PSMC6: variants seen among roughly 807,000 people sequenced by gnomAD.
The protein encoded by PSMC6 is 26S proteasome regulatory subunit 10B.
A neutral mutation model predicts 55.9 loss-of-function variants in PSMC6; 3 were observed. The ratio of observed to expected loss-of-function variants is 0.05; its 90% CI spans 0.02 to 0.14. The LOEUF (loss-of-function observed/expected upper bound fraction) is 0.14. PSMC6 is among the 10% of genes least tolerant of loss of function. The probability of loss-of-function intolerance (pLI) is 1.00; values close to 1 mark genes in which losing one functional copy is unlikely to be tolerated. For missense variants in PSMC6, 210 were observed against 478.7 expected (o/e 0.44, Z 5.24); for synonymous variants, 137 against 155.9 (o/e 0.88, Z 0.90).
In PSMC6 at chr14:52,708,468, T is replaced by C. The variant is rs1249009783; in HGVS notation, c.166-15T>C. On this transcript the variant is annotated splice_polypyrimidine_tract_variant and intron_variant, in intron 2 of 13. Coordinates refer to ENST00000445930, the MANE Select transcript of PSMC6 (RefSeq NM_002806.5). ...GCTGTTGCCAAAAAGTAATGCTTTT[T>C]ATTTTCTTCCTTAGATCGTGGGTGA... 6.2e-7 allele frequency: 1 copy of C among 1,613,986 alleles called. No homozygotes were observed. Among genetic ancestry groups the C allele is most frequent in the Non-Finnish European group, 8.5e-7 (1 of 1,179,940 alleles).
In PSMC6 at chr14:52,707,319, C is replaced by G. The variant is rs373773094; in HGVS notation, c.85+15C>G. ...TCTTAAGGAGTGTGAGTGCACCTTT[C>G]TTTCCATTTAATCAAGTGCCTCGAC... On this transcript the variant is annotated intron_variant, in intron 1 of 13. Transcript: ENST00000445930. The G allele has an allele frequency of 6.8e-6, 11 of 1,613,588 alleles. No individual in the cohort carries two copies. The African/African-American group carries it at 1.3e-4, about 20-fold the overall frequency.
At chr14:52,722,319 G>A (rs1880229949) in intron 12 of PSMC6, 1 of 151,928 alleles carries the variant, frequency 6.6e-6, no homozygotes, top group Non-Finnish European at 1.5e-5. Flanking sequence ...GGGGAATGCC[G>A]ATGAGGAGTT....
At position 52,707,250 on chromosome 14, in the gene PSMC6, G is replaced by A. The variant is rs1394464421; in HGVS notation, c.31G>A (p.Asp11Asn). The A allele has an allele frequency of 6.2e-7, 1 of 1,614,122 alleles. No homozygotes were observed. Among genetic ancestry groups the A allele is most frequent in the African/African-American group, 1.3e-5 (1 of 75,054 alleles). ...GGACCCTAGAGATAAGGCGCTTCAGGACTACCGCAAGAAGTTGCTTGAACA... is the reference window on the plus strand; with the variant it reads ...GGACCCTAGAGATAAGGCGCTTCAGAACTACCGCAAGAAGTTGCTTGAACA... Reference protein sequence around the residue: MADPRDKALQDYRKKLLEHKE... With the variant: MADPRDKALQNYRKKLLEHKE... The change falls in exon 1 of 14, where the codon GAC becomes AAC. Residue 11 changes from aspartate to asparagine, a missense_variant. Coordinates refer to ENST00000445930, the MANE Select transcript of PSMC6 (RefSeq NM_002806.5).
In PSMC6 at chr14:52,719,058, G is replaced by GT; in HGVS notation, c.777+23dup. 6.4e-7 allele frequency: 1 copy of GT among 1,574,072 alleles called. No homozygotes were observed. The highest frequency in any genetic ancestry group is 8.7e-7 in the Non-Finnish European group (1 of 1,145,522). ...ATGGAGGTAATATTTGGTAAAGGGG[G>GT]TTTATAAAGAAACCAATGTTTATTA... On this transcript the variant is annotated intron_variant, in intron 10 of 13. Transcript: ENST00000445930.
At chr14:52,715,204 T>TC (rs920968335) in intron 7 of PSMC6, among the ~76,000 whole-genome samples, 71 of 152,316 alleles carry the variant, frequency 4.7e-4, no homozygotes, top group Middle Eastern at 6.8e-3. Flanking sequence ...TGTTAAATCT[T>TC]CATCTTTGGG....
intron 7 of PSMC6, among the ~76,000 whole-genome samples, chr14:52,717,134 A>G (rs533706831): frequency 6.6e-6 from 1 of 152,312 alleles, no homozygotes; most frequent in Admixed American, 6.5e-5. Flanking sequence ...TAGATTTTAA[A>G]TGTTCTAACC....
intron 12 of PSMC6, chr14:52,721,397 CAG>C (rs2139853891): frequency 2.2e-6 from 1 of 456,716 alleles, no homozygotes; most frequent in East Asian, 3.5e-5. Flanking sequence ...AGGAACAAAA[CAG>C]ACAAATTTCT....
intron 4 of PSMC6, 67 bp downstream of exon 4, chr14:52,708,883 A>G: frequency 6.3e-7 from 1 of 1,593,956 alleles, no homozygotes; most frequent in Non-Finnish European, 8.5e-7. Context: ...TATTGTCTCT[A>G]ATTCTTGAGG....
chr14:52,718,275 G>A lies in PSMC6; in HGVS notation c.638G>A (p.Arg213His), dbSNP rs977361462. ...GACAAGTACATTGGTGAAAGTGCTC[G>A]TTTGATCAGAGAAATGTTTAATTAT... Reference protein sequence around the residue: ...IVDKYIGESARLIREMFNYAR... With the variant: ...IVDKYIGESAHLIREMFNYAR... The change falls in exon 9 of 14, where the codon CGT (arginine) becomes CAT (histidine). Residue 213 changes from arginine to histidine, a missense_variant. Physicochemically the swap from Arg to His is conservative, Grantham distance 29. Coordinates refer to ENST00000445930, the MANE Select transcript of PSMC6 (RefSeq NM_002806.5). 6.2e-7 allele frequency: 1 copy of A among 1,612,640 alleles called. No homozygotes were observed. Among genetic ancestry groups the A allele is most frequent in the Non-Finnish European group, 8.5e-7 (1 of 1,178,736 alleles).
At position 52,707,359 on chromosome 14, in the gene PSMC6, G is replaced by T. The variant is rs754064994; in HGVS notation, c.85+55G>T. On this transcript the variant is annotated intron_variant, in intron 1 of 13. Transcript: ENST00000445930. ...AGTGCCTCGACTCGCTTCTGCCTCT[G>T]ACAAAGCAGAAGCCTTTCGCCGAGC... The T allele has an allele frequency of 2.5e-6, 4 of 1,605,646 alleles. No individual in the cohort carries two copies. In the South Asian group the frequency reaches 4.4e-5, roughly 18 times the overall value.
chr14:52,716,188 A>G (rs1164925454), intron 7 of PSMC6, among the ~76,000 whole-genome samples: 1 of 152,222 alleles, frequency 6.6e-6, no homozygotes, highest in Non-Finnish European at 1.5e-5. Flanking sequence ...TATAAAAAAG[A>G]CAAAAGTGTT....
intron 12 of PSMC6, 119 bp from the exon 13 acceptor site, chr14:52,723,844 CAG>C (rs1880289102): frequency 4.8e-6 from 7 of 1,454,168 alleles, no homozygotes; most frequent in African/African-American, 2.9e-5. Context: ...GGAAAGTTAA[CAG>C]AGCTGATGTC....
chr14:52,717,977 G>A, intron 7 of PSMC6, 104 bp from the exon 8 acceptor site: 2 of 1,065,684 alleles, frequency 1.9e-6, no homozygotes, highest in South Asian at 2.8e-5. Context: ...GCAGTGAGCT[G>A]TGATCTCGCC....
At chr14:52,708,091 C>G (rs1377813800) in intron 1 of PSMC6, among the ~76,000 whole-genome samples, 2 of 152,124 alleles carry the variant, frequency 1.3e-5, no homozygotes, top group African/African-American at 2.4e-5. Context: ...TATTGCCGAT[C>G]AACAAAGTAA....
Position 52,724,349 on chromosome 14 carries a change from TC to T in PSMC6, c.1051+318del, listed in dbSNP as rs1172069609. Among the ~76,000 whole-genome samples, 5 of 152,170 alleles carry T rather than the reference TC, an allele frequency of 3.3e-5. No homozygotes were observed. In the East Asian group the frequency reaches 9.6e-4, roughly 29 times the overall value. On this transcript the variant is annotated intron_variant, in intron 13 of 13. Transcript: ENST00000445930. The stretch of plus-strand genomic sequence containing the variant: ...TAGAACATTGATTTACCAGTACTCA[TC>T]CCCCATTGGATGAGATTTGTCCTTG...
intron 4 of PSMC6, chr14:52,709,722 G>T: frequency 1.7e-5 from 5 of 297,306 alleles, no homozygotes; most frequent in Non-Finnish European, 2.6e-5. Flanking sequence ...CCAGAAATGT[G>T]TTTTAGATTT....
rs1022941512 is a variant in PSMC6 at position 52,714,585 on chromosome 14, G to A, written c.529+617G>A. Among the ~76,000 whole-genome samples, 9 of 152,296 alleles carry A rather than the reference G, an allele frequency of 5.9e-5. No individual in the cohort carries two copies. The South Asian group carries it at 1.9e-3, about 32-fold the overall frequency. ...TTTATAATACTGAAATGTTAAGCCA[G>A]GCGCAGTGGCTCACACCTGTAATCC... On this transcript the variant is annotated intron_variant, in intron 7 of 13. Coordinates refer to ENST00000445930, the MANE Select transcript of PSMC6 (RefSeq NM_002806.5).
Position 52,728,552 on chromosome 14 carries a change from A to T in PSMC6, c.*935A>T, listed in dbSNP as rs1275130570. ...ACATGATTTCTGTTACCTATACATG[A>T]TTCTTATATCATCTGGCAATAAAAG... On this transcript the variant is annotated 3_prime_UTR_variant, in exon 14 of 14. Transcript: ENST00000445930. 3 of 152,218 alleles carry T rather than the reference A, an allele frequency of 2.0e-5. No homozygotes were observed. The highest frequency in any genetic ancestry group is 4.4e-5 in the Non-Finnish European group (3 of 68,026). The allele number at this position is 152,218 out of a possible 1,614,324, so 9.4% of individuals were successfully genotyped here.
At chr14:52,721,372 G>A (rs762967928) in intron 12 of PSMC6, 182 bp downstream of exon 12, 102 of 523,494 alleles carry the variant, frequency 1.9e-4, no homozygotes, top group Non-Finnish European at 2.5e-4. Flanking sequence ...TTTTGTAAGG[G>A]CTGACAATAT....
Sources: allele counts gnomAD v4.1 joint callset (sites outside exome capture counted in the v4.1 genomes callset), GRCh38; gene constraint gnomAD v4.1.1; transcripts MANE v1.5; gene names NCBI Gene and HGNC (gene_info 2026-07-23, HGNC 2026-07-21).